Variants in ZBTB18 observed in about 807,000 individuals in gnomAD.
The protein encoded by ZBTB18 is zinc finger and BTB domain containing 18.
Under a neutral mutation model 37.7 loss-of-function variants are expected in ZBTB18, and 2 were observed. The ratio of observed to expected loss-of-function variants is 0.05; its 90% confidence interval spans 0.02 to 0.17. The LOEUF (loss-of-function observed/expected upper bound fraction) is 0.17, where lower values mean the gene tolerates loss of function less well. ZBTB18 is among the 10% of genes least tolerant of loss of function. The pLI, the probability that ZBTB18 is intolerant of heterozygous loss-of-function variation, is 1.00. For missense variants in ZBTB18, 408 were observed against 686.3 expected (o/e 0.59, Z 4.53); for synonymous variants, 304 against 276.5 (o/e 1.10, Z -0.99).
At chr1:244,051,596 A>C in intron 1 of ZBTB18, 152 bp downstream of exon 1, 1 of 848,556 alleles carries the variant, frequency 1.2e-6, no homozygotes. Context: ...GAAAGTCTTG[A>C]GCTTGTTTAG....
rs1433164348 is a variant in ZBTB18, at chr1:244,055,201, C to T, written c.1427C>T (p.Ala476Val). 2 of 1,614,080 alleles carry T rather than the reference C, an allele frequency of 1.2e-6. No individual in the cohort carries two copies. ...GTGCACACCCGCGAGAAGCCGCACG[C>T]CTGCAAGTGGTGCGAGCGCAGGTTC... ...AVVHTREKPH[A>V]CKWCERRFTQ... Residue 476 changes from alanine (A) to valine (V), a missense_variant, in exon 2 of 2, where the codon GCC becomes GTC. Coordinates refer to ENST00000358704, the MANE Select transcript of ZBTB18 (RefSeq NM_205768.3). The surrounding 1 kb of genome is among the most constrained non-coding windows in gnomAD (Gnocchi z 7.0).
intron 1 of ZBTB18, 43 bp downstream of exon 1, chr1:244,051,487 GTGTTT>G (rs1265534796): frequency 1.2e-6 from 2 of 1,611,282 alleles, no homozygotes; most frequent in East Asian, 2.2e-5. Flanking sequence ...TTCTGTTTTG[GTGTTT>G]TGTTTATTTA....
At chr1:244,049,471 AG>A (rs1366007464), upstream of ZBTB18, among the ~76,000 whole-genome samples, 2 of 88,070 alleles carry the variant, frequency 2.3e-5, no homozygotes, top group Non-Finnish European at 5.0e-5. Context: ...CCGGCGGGGG[AG>A]GGGGCCCTCC....
At chr1:244,048,624 GCCCGCCCCCCC>G (rs1211680646), upstream of ZBTB18, among the ~76,000 whole-genome samples, 11 of 55,614 alleles carry the variant, frequency 2.0e-4, no homozygotes, top group South Asian at 6.1e-4. Context: ...CCTCCCCCGC[GCCCGCCCCCCC>G]CCCGCCCCCG....
intron 1 of ZBTB18, among the ~76,000 whole-genome samples, chr1:244,052,864 C>T (rs779894089): frequency 6.6e-5 from 10 of 151,562 alleles, no homozygotes; most frequent in Non-Finnish European, 1.0e-4. Context: ...TTTATTTAAG[C>T]GCTGTATGCC....
In ZBTB18 at chr1:244,056,657, TC is replaced by T. The variant is rs1050414640; in HGVS notation, c.*1295del. ...CCTCCTTACCCTCCCTCCCTTACTC[TC>T]CCCCCCCACCACCACCCTCCACCCC... On this transcript the variant is annotated 3_prime_UTR_variant, in exon 2 of 2. Coordinates refer to ENST00000358704, the MANE Select transcript of ZBTB18 (RefSeq NM_205768.3). 1.5e-3 allele frequency: 183 copies of T among 124,598 alleles called. 1 individual carries two copies. Among genetic ancestry groups the T allele is most frequent in the African/African-American group, 5.9e-3 (170 of 28,934 alleles). 7.7% of individuals were successfully genotyped at this position (124,598 alleles called of 1,614,324 possible).
rs1340896512 is a variant in ZBTB18 at position 244,057,000 on chromosome 1, A to G, written c.*1630A>G. On this transcript the variant is annotated 3_prime_UTR_variant, in exon 2 of 2. Transcript: ENST00000358704. ...GTAAACATAGCCTATTTTTGTGCTT[A>G]AGATACTGAATGGAAAACTCCATTG... 6.0e-6 allele frequency: 1 copy of G among 166,824 alleles called. No individual in the cohort carries two copies. The highest frequency in any genetic ancestry group is 1.5e-5 in the Non-Finnish European group (1 of 68,094). The allele number at this position is 166,824 out of a possible 1,614,324, so 10.3% of individuals were successfully genotyped here.
chr1:244,055,409 TA>T lies in ZBTB18; in HGVS notation c.*40del. 1.5e-6 allele frequency: 1 copy of T among 651,604 alleles called. No individual in the cohort carries two copies. 40.4% of individuals were successfully genotyped at this position (651,604 alleles called of 1,614,324 possible). A position where few individuals can be genotyped will look rare whatever the true frequency, so the allele number is the denominator to read the frequency against. On this transcript the variant is annotated 3_prime_UTR_variant, in exon 2 of 2. Coordinates refer to ENST00000358704, the MANE Select transcript of ZBTB18 (RefSeq NM_205768.3). The surrounding 1 kb of genome is among the most constrained non-coding windows in gnomAD (Gnocchi z 7.0). ...TAAATAATATATATATATATACATA[TA>T]TATAAATAGATCTCTATATAGTTGT...
chr1:244,051,901 A>G (rs2148554279), intron 1 of ZBTB18, among the ~76,000 whole-genome samples: 1 of 152,356 alleles, frequency 6.6e-6, no homozygotes, highest in South Asian at 2.1e-4. Flanking sequence ...ATTGAGCAGC[A>G]CTACTGAAAC....
At chr1:244,048,684 C>A (rs959011039), upstream of ZBTB18, among the ~76,000 whole-genome samples, 1 of 144,646 alleles carries the variant, frequency 6.9e-6, no homozygotes, top group African/African-American at 2.5e-5. Context: ...CTCGCTCCCT[C>A]GCTCGCTCCC....
upstream of ZBTB18, among the ~76,000 whole-genome samples, chr1:244,049,402 C>T (rs1426823546): frequency 6.8e-6 from 1 of 147,862 alleles, no homozygotes; most frequent in Non-Finnish European, 1.5e-5. Context: ...TGCAGTGGCG[C>T]CCGGGACGGC....
chr1:244,052,273 AC>A (rs1698370488), intron 1 of ZBTB18, among the ~76,000 whole-genome samples: 1 of 152,202 alleles, frequency 6.6e-6, no homozygotes, highest in Non-Finnish European at 1.5e-5. Context: ...GATCACGGCT[AC>A]CTTGTGAGCT....
chr1:244,052,348 A>G (rs1030062044), intron 1 of ZBTB18, among the ~76,000 whole-genome samples: 7 of 152,228 alleles, frequency 4.6e-5, no homozygotes, highest in Non-Finnish European at 8.8e-5. Context: ...TGGGGCACTT[A>G]AAGTGATTGT....
At position 244,054,081 on chromosome 1, in the gene ZBTB18, A is replaced by G. The variant is rs1057520130; in HGVS notation, c.307A>G (p.Ile103Val). The G allele has an allele frequency of 5.0e-6, 8 of 1,614,126 alleles. No individual in the cohort carries two copies. Among genetic ancestry groups the G allele is most frequent in the Middle Eastern group, 1.6e-4 (1 of 6,062 alleles). ...GAAACTCCAGTTCAAAGACTTGCCC[A>G]TTGAAGACGTGCTAGCAGCTGCCAG... is the stretch of plus-strand genomic sequence containing the variant. ...EGKLQFKDLPIEDVLAAASYL... is the reference protein window; with the variant it reads ...EGKLQFKDLPVEDVLAAASYL... Residue 103 changes from isoleucine to valine, a missense_variant, in exon 2 of 2, where the codon ATT becomes GTT. By Grantham distance (29) the Ile-to-Val change is conservative. Coordinates refer to ENST00000358704, the MANE Select transcript of ZBTB18 (RefSeq NM_205768.3). This position sits in a 1 kb window ranked among gnomAD's most constrained non-coding sequence, Gnocchi z 9.0.
rs759537637 is a variant in ZBTB18, at chr1:244,057,415, A to G, written c.*2045A>G. ...TTATAATGCTGTTTAGTTTTGTACT[A>G]TTGGTGTGTTGGTGAATTTTTAAAC... On this transcript the variant is annotated 3_prime_UTR_variant, in exon 2 of 2. Transcript: ENST00000358704. 1 of 166,754 alleles carries G rather than the reference A, an allele frequency of 6.0e-6. No individual in the cohort carries two copies. Among genetic ancestry groups the G allele is most frequent in the South Asian group, 2.1e-4 (1 of 4,832 alleles). The allele number at this position is 166,754 out of a possible 1,614,324, so 10.3% of individuals were successfully genotyped here. A position where few individuals can be genotyped will look rare whatever the true frequency, so the allele number is the denominator to read the frequency against.
At position 244,053,275 on chromosome 1, in the gene ZBTB18, G is replaced by A. The variant is rs1698388259; in HGVS notation, c.14-513G>A. 6.6e-6 allele frequency among the ~76,000 whole-genome samples: 1 copy of A among 152,134 alleles called. No individual in the cohort carries two copies. The highest frequency in any genetic ancestry group is 2.4e-5 in the African/African-American group (1 of 41,422). On this transcript the variant is annotated intron_variant, in intron 1 of 1. Coordinates refer to ENST00000358704, the MANE Select transcript of ZBTB18 (RefSeq NM_205768.3). The surrounding 1 kb of genome is among the most constrained non-coding windows in gnomAD (Gnocchi z 5.2). ...TCTTGATTCAGCCAAATGTGTGTGT[G>A]TGTGTTTAAACTGTGCTTTCTAAGC...
rs761131694 is a variant in ZBTB18, at chr1:244,053,621, T to G, written c.14-167T>G. On this transcript the variant is annotated intron_variant, in intron 1 of 1. Coordinates refer to ENST00000358704, the MANE Select transcript of ZBTB18 (RefSeq NM_205768.3). The surrounding 1 kb of genome is among the most constrained non-coding windows in gnomAD (Gnocchi z 5.2). Reference sequence around the variant, plus strand: ...GAAAGTGTGCATTTTCCTTCTGGCATTTAGGTCTTGTCCGTGTGATTTGGT... The same window carrying G: ...GAAAGTGTGCATTTTCCTTCTGGCAGTTAGGTCTTGTCCGTGTGATTTGGT... 24 of 576,360 alleles carry G rather than the reference T, an allele frequency of 4.2e-5. No individual in the cohort carries two copies. Among genetic ancestry groups the G allele is most frequent in the Non-Finnish European group, 4.6e-5 (21 of 456,234 alleles). 35.7% of individuals were successfully genotyped at this position (576,360 alleles called of 1,614,324 possible).
At chr1:244,052,066 G>A (rs909118512) in intron 1 of ZBTB18, among the ~76,000 whole-genome samples, 1 of 152,112 alleles carries the variant, frequency 6.6e-6, no homozygotes, top group Non-Finnish European at 1.5e-5. Context: ...ATAATTATTT[G>A]CAGGAGTTTT....
chr1:244,048,681 C>G (rs1418012045), upstream of ZBTB18, among the ~76,000 whole-genome samples: 1 of 145,016 alleles, frequency 6.9e-6, no homozygotes, highest in African/African-American at 2.5e-5. Flanking sequence ...GCGCTCGCTC[C>G]CTCGCTCGCT....
Sources: allele counts gnomAD v4.1 joint callset (sites outside exome capture counted in the v4.1 genomes callset), GRCh38; gene constraint gnomAD v4.1.1; non-coding constraint Gnocchi (gnomAD v3.1); transcripts MANE v1.5; gene names NCBI Gene and HGNC (gene_info 2026-07-23, HGNC 2026-07-21).